RBM25: variants seen among roughly 807,000 people sequenced by gnomAD.
The protein encoded by RBM25 is RNA-binding protein 25.
A neutral mutation model predicts 120.7 loss-of-function variants in RBM25; 19 were observed. The observed-to-expected ratio is 0.16, with a 90% CI of 0.11 to 0.23. The LOEUF is 0.23. Among genes scored for constraint, RBM25 ranks in the 10% least tolerant of loss-of-function variants. The pLI, the probability that RBM25 is intolerant of heterozygous loss-of-function variation, is 1.00. For synonymous variants in RBM25, 390 were observed against 326.7 expected (o/e 1.19, Z -2.09); for missense variants, 605 against 1,041.5 (o/e 0.58, Z 5.77).
chr14:73,107,420 G>C (rs1307077366), intron 12 of RBM25: 2 of 156,832 alleles, frequency 1.3e-5, no homozygotes, highest in Non-Finnish European at 1.4e-5. Context: ...TTATGGCATA[G>C]AGTGGTATTT....
In RBM25 at chr14:73,065,845, G is replaced by A. The variant is rs991384525; in HGVS notation, c.-15-5782G>A. On this transcript the variant is annotated intron_variant, in intron 1 of 18. Transcript: ENST00000261973. ...GCTGGGATTACAGGTGTGAGCCACC[G>A]CCCCTGACCGAGAGTTTTAGTTTTT... Among the ~76,000 whole-genome samples the A allele has an allele frequency of 7.2e-5, 11 of 151,866 alleles. No homozygotes were observed. In the East Asian group the frequency reaches 7.7e-4, roughly 11 times the overall value.
intron 6 of RBM25, among the ~76,000 whole-genome samples, chr14:73,093,964 T>C (rs1177146495): frequency 6.7e-6 from 1 of 148,544 alleles, no homozygotes; most frequent in Non-Finnish European, 1.5e-5. Flanking sequence ...TTTTTTTTTT[T>C]TTCTTGAGAC....
chr14:73,075,285 A>G (rs1895390681), intron 2 of RBM25, among the ~76,000 whole-genome samples: 1 of 151,788 alleles, frequency 6.6e-6, no homozygotes, highest in Admixed American at 6.6e-5. Context: ...CAGCCTCCCG[A>G]GTAGCTGGGA....
At chr14:73,092,772 G>T (rs1008290603) in intron 6 of RBM25, among the ~76,000 whole-genome samples, 20 of 151,738 alleles carry the variant, frequency 1.3e-4, no homozygotes, top group Non-Finnish European at 2.6e-4. Context: ...TCGCGTTGTT[G>T]CCCAGGCTGG....
intron 10 of RBM25, among the ~76,000 whole-genome samples, chr14:73,105,608 A>G (rs1421760437): frequency 6.6e-6 from 1 of 152,150 alleles, no homozygotes; most frequent in African/African-American, 2.4e-5. Context: ...TAACTATTTT[A>G]TATTCAGATT....
intron 3 of RBM25, among the ~76,000 whole-genome samples, chr14:73,077,076 G>A (rs569218967): frequency 6.6e-6 from 1 of 152,256 alleles, no homozygotes; most frequent in Non-Finnish European, 1.5e-5. Context: ...GCGAAATTCC[G>A]TTTCAGAAAA....
intron 2 of RBM25, among the ~76,000 whole-genome samples, chr14:73,072,239 G>A (rs140386589): frequency 2.0e-4 from 30 of 151,824 alleles, no homozygotes; most frequent in African/African-American, 5.8e-4. Context: ...CCCAAAGTGC[G>A]GGATTACAGG....
intron 2 of RBM25, among the ~76,000 whole-genome samples, chr14:73,074,436 G>A (rs1224321612): frequency 6.6e-6 from 1 of 151,962 alleles, no homozygotes; most frequent in Non-Finnish European, 1.5e-5. Context: ...AAGCCCGAGT[G>A]TTCTAGAAGT....
At chr14:73,082,010 A>G (rs1895575019) in intron 4 of RBM25, among the ~76,000 whole-genome samples, 1 of 152,258 alleles carries the variant, frequency 6.6e-6, no homozygotes, top group East Asian at 1.9e-4. Flanking sequence ...TTTTTTCAGG[A>G]GAAAATTTTG....
In RBM25 at chr14:73,105,943, A is replaced by C. The variant is rs1344153127; in HGVS notation, c.1239A>C (p.Arg413=). 3.1e-6 allele frequency: 5 copies of C among 1,611,560 alleles called. No homozygotes were observed. The East Asian group carries it at 1.1e-4, about 36-fold the overall frequency. The part of the protein sequence containing the change: ...RERERERERE[R]ERERERERER... ...GAGAGCGAGAACGAGAACGGGAGCG[A>C]GAGAGAGAGCGAGAGAGGGAACGGG... is the stretch of plus-strand genomic sequence containing the variant. Residue 413 remains arginine, a synonymous_variant, in exon 11 of 19, where the codon CGA becomes CGC. Transcript: ENST00000261973.
chr14:73,114,373 A>T (rs1896378643), intron 18 of RBM25, 40 bp downstream of exon 18: 1 of 1,482,010 alleles, frequency 6.7e-7, no homozygotes, highest in Non-Finnish European at 9.1e-7. Flanking sequence ...TTTTAATTTA[A>T]AAAAAGTTTT....
Position 73,076,343 on chromosome 14 carries a change from T to C in RBM25, c.131T>C (p.Met44Thr). 1 of 1,611,476 alleles carries C rather than the reference T, an allele frequency of 6.2e-7. No individual in the cohort carries two copies. Among genetic ancestry groups the C allele is most frequent in the Non-Finnish European group, 8.5e-7 (1 of 1,178,092 alleles). Residue 44 changes from methionine to threonine, a missense_variant, in exon 3 of 19, where the codon ATG becomes ACG. By Grantham distance (81) the Met-to-Thr change is moderately conservative. This residue lies in a region of RBM25 where 90 missense variants were observed against 107.3 expected (regional missense o/e 0.84). Coordinates refer to ENST00000261973, the MANE Select transcript of RBM25 (RefSeq NM_021239.3). ...GGGACCCCAATGATTCCTGTACCAA[T>C]GAGCATTATGGCTCCTGCTCCAACT... ...PPGTPMIPVPMSIMAPAPTVL... is the reference protein window; with the variant it reads ...PPGTPMIPVPTSIMAPAPTVL...
At position 73,106,187 on chromosome 14, in the gene RBM25, T is replaced by A. The variant is rs539678306; in HGVS notation, c.1378-9T>A. 34 of 1,577,308 alleles carry A rather than the reference T, an allele frequency of 2.2e-5. 1 individual carries two copies. The South Asian group carries it at 4.1e-4, about 19-fold the overall frequency. ...AATTTTTAAAGCTTTGAAAATTTAA[T>A]TTTTTTAGCGCCTTAAGAATTGGGA... On this transcript the variant is annotated splice_polypyrimidine_tract_variant and intron_variant, in intron 11 of 18. Coordinates refer to ENST00000261973, the MANE Select transcript of RBM25 (RefSeq NM_021239.3).
At chr14:73,058,775 G>C (rs1488233864) in intron 1 of RBM25, 70 bp downstream of exon 1, 1 of 151,508 alleles carries the variant, frequency 6.6e-6, no homozygotes, top group African/African-American at 2.4e-5. Flanking sequence ...AGGAGGAAAA[G>C]CCGGGGTGGC....
intron 9 of RBM25, chr14:73,101,441 TC>T (rs1237455520): frequency 1.3e-5 from 2 of 150,808 alleles, no homozygotes; most frequent in Non-Finnish European, 2.9e-5. Context: ...TCACCTCATT[TC>T]CCTTCTCCAG....
intron 18 of RBM25, among the ~76,000 whole-genome samples, chr14:73,116,832 C>T (rs986646808): frequency 2.6e-5 from 4 of 151,980 alleles, no homozygotes; most frequent in Non-Finnish European, 5.9e-5. Context: ...TTTTGTGGCT[C>T]GTTGATTAGA....
chr14:73,117,205 C>CTTTTCT lies in RBM25; in HGVS notation c.2440-2503_2440-2498dup, dbSNP rs1691648798. Among the ~76,000 whole-genome samples, 40 of 36,560 alleles carry CTTTTCT rather than the reference C, an allele frequency of 1.1e-3. 1 individual carries two copies. The highest frequency in any genetic ancestry group is 3.6e-3 in the African/African-American group (35 of 9,774). The allele number at this position is 36,560 out of a possible 152,430, so 24.0% of individuals were successfully genotyped here. A position where few individuals can be genotyped will look rare whatever the true frequency, so the allele number is the denominator to read the frequency against. ...ATTTCTTTCTTTTAATTTCTTTCTT[C>CTTTTCT]TTTTCTTTTTTTTTTTTTTTTTTTT... On this transcript the variant is annotated intron_variant, in intron 18 of 18. Transcript: ENST00000261973.
chr14:73,088,425 C>T (rs2140441196), intron 6 of RBM25: 2 of 572,066 alleles, frequency 3.5e-6, no homozygotes, highest in Non-Finnish European at 6.6e-6. Context: ...AGAGAAAGCA[C>T]TGGTACAGAC....
intron 1 of RBM25, 47 bp downstream of exon 1, chr14:73,058,752 C>G (rs528945344): frequency 5.3e-5 from 8 of 151,590 alleles, no homozygotes; most frequent in Non-Finnish European, 7.3e-5. Flanking sequence ...AGACCGGGTG[C>G]CTCAGCTGGT....
Sources: allele counts gnomAD v4.1 joint callset (sites outside exome capture counted in the v4.1 genomes callset), GRCh38; gene constraint gnomAD v4.1.1; regional missense constraint gnomAD v4.1.1; transcripts MANE v1.5; gene names NCBI Gene and HGNC (gene_info 2026-07-23, HGNC 2026-07-21).